Variants in MPZL3 observed in about 807,000 individuals in gnomAD.
MPZL3 encodes myelin protein zero like 3, also known as myelin protein zero-like protein 3.
Under a neutral mutation model 24.8 loss-of-function variants are expected in MPZL3, and 23 were observed. That is an observed-to-expected ratio of 0.93 (90% CI 0.67 to 1.31). The LOEUF (loss-of-function observed/expected upper bound fraction) is 1.31, where lower values mean the gene tolerates loss of function less well. Among genes scored for constraint, MPZL3 ranks in the 40% most tolerant of loss-of-function variants. The probability of loss-of-function intolerance (pLI) is 0.00; values close to 1 mark genes in which losing one functional copy is unlikely to be tolerated. For missense variants in MPZL3, 277 were observed against 294.9 expected (o/e 0.94, Z 0.44); for synonymous variants, 99 against 106.5 (o/e 0.93, Z 0.44).
At chr11:118,246,893 C>T (rs765613675) in intron 1 of MPZL3, among the ~76,000 whole-genome samples, 4 of 152,044 alleles carry the variant, frequency 2.6e-5, no homozygotes, top group African/African-American at 4.8e-5. Context: ...GCCTAGGCCA[C>T]TTTTCGAAGG....
At chr11:118,250,167 AATTTTT>A (rs1949602535) in intron 1 of MPZL3, among the ~76,000 whole-genome samples, 1 of 88,356 alleles carries the variant, frequency 1.1e-5, no homozygotes, top group African/African-American at 4.9e-5. Flanking sequence ...ACACCTGGCT[AATTTTT>A]TTTTTTTTTT....
chr11:118,233,316 T>C (rs1263877438), intron 5 of MPZL3, 144 bp downstream of exon 5: 2 of 877,526 alleles, frequency 2.3e-6, no homozygotes, highest in South Asian at 1.5e-5. Context: ...GAGTCCAAAA[T>C]GCTTTGGGGA....
intron 4 of MPZL3, among the ~76,000 whole-genome samples, chr11:118,235,220 C>A (rs1447094499): frequency 2.6e-5 from 4 of 152,186 alleles, no homozygotes; most frequent in African/African-American, 4.8e-5. Context: ...ATATCAACTC[C>A]CCCATCTCTC....
Position 118,251,078 on chromosome 11 carries a change from CGTGTGTGTGTGTGTGTGT to C in MPZL3, c.73+1126_73+1143del, listed in dbSNP as rs3221165. On this transcript the variant is annotated intron_variant, in intron 1 of 5. Coordinates refer to ENST00000278949, the MANE Select transcript of MPZL3 (RefSeq NM_198275.3). The stretch of plus-strand genomic sequence containing the variant: ...AATAAGACAATATTTGAATATTTCT[CGTGTGTGTGTGTGTGTGT>C]GTGTGTGTGTGTGTGTGTGTGTGAA... Among the ~76,000 whole-genome samples, 395 of 144,378 alleles carry C rather than the reference CGTGTGTGTGTGTGTGTGT, an allele frequency of 2.7e-3. 1 individual carries two copies. Among genetic ancestry groups the C allele is most frequent in the African/African-American group, 9.3e-3 (359 of 38,604 alleles). 94.7% of individuals were successfully genotyped at this position (144,378 alleles called of 152,430 possible). A position where few individuals can be genotyped will look rare whatever the true frequency, so the allele number is the denominator to read the frequency against.
Position 118,252,326 on chromosome 11 carries a change from G to C in MPZL3, c.-32C>G, listed in dbSNP as rs779212112. 3 of 1,606,572 alleles carry C rather than the reference G, an allele frequency of 1.9e-6. No individual in the cohort carries two copies. The highest frequency in any genetic ancestry group is 2.6e-6 in the Non-Finnish European group (3 of 1,173,978). ...AGCTCTTCAGATGCTTGCACACCTT[G>C]TTTACAGCTCCCGGTAACGACACAG... On this transcript the variant is annotated 5_prime_UTR_variant, in exon 1 of 6. Transcript: ENST00000278949.
intron 1 of MPZL3, among the ~76,000 whole-genome samples, chr11:118,246,771 A>G (rs1949561542): frequency 6.6e-6 from 1 of 151,660 alleles, no homozygotes; most frequent in Non-Finnish European, 1.5e-5. Context: ...TTTTTGGTAG[A>G]GACGGGGTTT....
At chr11:118,239,574 G>C in intron 2 of MPZL3, among the ~76,000 whole-genome samples, 1 of 152,148 alleles carries the variant, frequency 6.6e-6, no homozygotes, top group South Asian at 2.1e-4. Flanking sequence ...CACCTACAAT[G>C]AAACTTGGAC....
rs745874366 is a variant in MPZL3 at position 118,237,098 on chromosome 11, C to A, written c.403G>T (p.Asp135Tyr). ...TFSCAVKNPP[D>Y]VHHNIPMTEL... is the part of the protein sequence containing the mutation. ...GTCATGGGAATATTATGATGCACAT[C>A]TGGGGGATTCTTCACAGCACAGCTG... The change falls in exon 3 of 6, where the codon GAT becomes TAT. Residue 135 changes from aspartate (D) to tyrosine (Y), a missense_variant. Physicochemically the swap from Asp to Tyr is radical, Grantham distance 160 (BLOSUM62 -3). Transcript: ENST00000278949. 1 of 1,614,066 alleles carries A rather than the reference C, an allele frequency of 6.2e-7. No homozygotes were observed. The highest frequency in any genetic ancestry group is 8.5e-7 in the Non-Finnish European group (1 of 1,179,954).
At chr11:118,245,663 A>G (rs1949549544) in intron 1 of MPZL3, among the ~76,000 whole-genome samples, 1 of 152,208 alleles carries the variant, frequency 6.6e-6, no homozygotes, top group Non-Finnish European at 1.5e-5. Flanking sequence ...ATGGCCCATG[A>G]GCTAAATGGA....
At chr11:118,235,364 G>T (rs199561958) in intron 4 of MPZL3, 60 bp downstream of exon 4, 18 of 1,570,916 alleles carry the variant, frequency 1.1e-5, no homozygotes, top group Non-Finnish European at 1.4e-5. Flanking sequence ...GGATGTGGGG[G>T]TCTGGGTAGA....
At chr11:118,242,154 G>C (rs993883481) in intron 1 of MPZL3, among the ~76,000 whole-genome samples, 59 of 152,130 alleles carry the variant, frequency 3.9e-4, no homozygotes, top group African/African-American at 1.4e-3. Flanking sequence ...TTTAGAATTA[G>C]CCAAAGCTGG....
chr11:118,237,031 T>G lies in MPZL3; in HGVS notation c.451+19A>C. On this transcript the variant is annotated intron_variant, in intron 3 of 5. Coordinates refer to ENST00000278949, the MANE Select transcript of MPZL3 (RefSeq NM_198275.3). ...AGTCACAGAGCACTGCAGAAGAAGG[T>G]TGGTGGCAATGAGCTTACCCCTTTC... 6.2e-7 allele frequency: 1 copy of G among 1,607,266 alleles called. No individual in the cohort carries two copies. The highest frequency in any genetic ancestry group is 1.1e-5 in the South Asian group (1 of 90,942).
intron 1 of MPZL3, among the ~76,000 whole-genome samples, chr11:118,248,144 T>C (rs1949576453): frequency 6.7e-6 from 1 of 149,866 alleles, no homozygotes; most frequent in Admixed American, 6.7e-5. Context: ...GGCGCGATCT[T>C]GGCTCACTGC....
rs985958416 is a variant in MPZL3, at chr11:118,227,881, C to T, written c.*2013G>A. On this transcript the variant is annotated 3_prime_UTR_variant, in exon 6 of 6. Transcript: ENST00000278949. ...GAAATGAGGACCTGCAAAATAGTCC[C>T]CCTCACAATGAGATCTCTATCTTCA... 2 of 152,128 alleles carry T rather than the reference C, an allele frequency of 1.3e-5. No individual in the cohort carries two copies. Among genetic ancestry groups the T allele is most frequent in the African/African-American group, 2.4e-5 (1 of 41,406 alleles). 9.4% of individuals were successfully genotyped at this position (152,128 alleles called of 1,614,324 possible).
chr11:118,244,391 A>T (rs773191068), intron 1 of MPZL3, among the ~76,000 whole-genome samples: 3 of 152,244 alleles, frequency 2.0e-5, no homozygotes, highest in Non-Finnish European at 4.4e-5. Context: ...GGAAAAAGAA[A>T]GTGGCTATGG....
intron 1 of MPZL3, among the ~76,000 whole-genome samples, chr11:118,240,783 A>ACACACACACACACACACACACACACACT (rs1418485892): frequency 7.1e-6 from 1 of 140,440 alleles, no homozygotes; most frequent in Non-Finnish European, 1.5e-5. Context: ...ACACACACAC[A>ACACACACACACACACACACACACACACT]CTCTGGGAAT....
At chr11:118,248,200 G>C (rs961879723) in intron 1 of MPZL3, among the ~76,000 whole-genome samples, 1 of 149,018 alleles carries the variant, frequency 6.7e-6, no homozygotes, top group Non-Finnish European at 1.5e-5. Context: ...ATTTTTAGTA[G>C]AGACAGGGTT....
chr11:118,246,588 T>TTC (rs1214024097), intron 1 of MPZL3, among the ~76,000 whole-genome samples: 1 of 145,324 alleles, frequency 6.9e-6, no homozygotes, highest in African/African-American at 2.6e-5. Context: ...TTCTTTTCTT[T>TTC]TTTTTTTTTT....
Position 118,229,073 on chromosome 11 carries a change from G to C in MPZL3, c.*821C>G, listed in dbSNP as rs1949312448. On this transcript the variant is annotated 3_prime_UTR_variant, in exon 6 of 6. Coordinates refer to ENST00000278949, the MANE Select transcript of MPZL3 (RefSeq NM_198275.3). Reference sequence around the variant, plus strand: ...ACCCAGGAGGCAGAGGTTGCAGTGAGCCAAGATCACACCACTGCACTCCAG... The same window carrying C: ...ACCCAGGAGGCAGAGGTTGCAGTGACCCAAGATCACACCACTGCACTCCAG... The C allele has an allele frequency of 7.1e-6, 1 of 140,440 alleles. No homozygotes were observed. The highest frequency in any genetic ancestry group is 2.1e-4 in the South Asian group (1 of 4,734). The allele number at this position is 140,440 out of a possible 1,614,324, so 8.7% of individuals were successfully genotyped here. A position where few individuals can be genotyped will look rare whatever the true frequency, so the allele number is the denominator to read the frequency against.
Sources: allele counts gnomAD v4.1 joint callset (sites outside exome capture counted in the v4.1 genomes callset), GRCh38; gene constraint gnomAD v4.1.1; transcripts MANE v1.5; gene names NCBI Gene and HGNC (gene_info 2026-07-23, HGNC 2026-07-21).